TNFRSF8: variants seen among roughly 807,000 people sequenced by gnomAD.
The protein encoded by TNFRSF8 is tumor necrosis factor receptor superfamily member 8.
A neutral mutation model predicts 70.8 loss-of-function variants in TNFRSF8; 26 were observed. The observed-to-expected ratio is 0.37, with a 90% confidence interval of 0.27 to 0.51. TNFRSF8 has a LOEUF of 0.51. Ranked by LOEUF, TNFRSF8 falls within the 20% of genes least tolerant of loss-of-function variation. The probability of loss-of-function intolerance (pLI) is 0.94; values close to 1 mark genes in which losing one functional copy is unlikely to be tolerated. For synonymous variants in TNFRSF8, 356 were observed against 339.2 expected (o/e 1.05, Z -0.54); for missense variants, 720 against 807.9 (o/e 0.89, Z 1.32).
In TNFRSF8 at chr1:12,108,074, A is replaced by ATTTT. The variant is rs199941905; in HGVS notation, c.422-1488_422-1485dup. Among the ~76,000 whole-genome samples, 24 of 146,192 alleles carry ATTTT rather than the reference A, an allele frequency of 1.6e-4. No individual in the cohort carries two copies. Among genetic ancestry groups the ATTTT allele is most frequent in the African/African-American group, 6.0e-4 (24 of 39,764 alleles). On this transcript the variant is annotated intron_variant, in intron 4 of 14. Coordinates refer to ENST00000263932, the MANE Select transcript of TNFRSF8 (RefSeq NM_001243.5). This position sits in a 1 kb window ranked among gnomAD's most constrained non-coding sequence, Gnocchi z 4.0. ...CGAAGTCCCACACATACAGGCCACCATTTTTTTATTTTTTTTTTTTTTGTG... is the reference window on the plus strand; with the variant it reads ...CGAAGTCCCACACATACAGGCCACCATTTTTTTTTTTATTTTTTTTTTTTTTGTG...
chr1:12,118,015 G>A (rs553335342), intron 8 of TNFRSF8, among the ~76,000 whole-genome samples: 21 of 152,242 alleles, frequency 1.4e-4, no homozygotes, highest in African/African-American at 2.2e-4. Flanking sequence ...ATGTTGCTGC[G>A]AAAGACTTGA....
chr1:12,137,355 C>T (rs966145410), intron 13 of TNFRSF8, among the ~76,000 whole-genome samples: 1 of 151,946 alleles, frequency 6.6e-6, no homozygotes, highest in Non-Finnish European at 1.5e-5. Flanking sequence ...ATTACTTTTG[C>T]ACCAATCTAA....
chr1:12,103,221 G>A (rs1641454352), intron 3 of TNFRSF8, among the ~76,000 whole-genome samples: 2 of 151,972 alleles, frequency 1.3e-5, no homozygotes, highest in African/African-American at 4.8e-5. Context: ...AAAATTAGTT[G>A]GGCGTGGTGG....
Position 12,104,507 on chromosome 1 carries a change from G to C in TNFRSF8, c.397G>C (p.Ala133Pro). The C allele has an allele frequency of 6.2e-7, 1 of 1,614,174 alleles. No homozygotes were observed. Among genetic ancestry groups the C allele is most frequent in the South Asian group, 1.1e-5 (1 of 91,070 alleles). ...ARCFFHSVCP[A>P]GMIVKFPGTA... ...CTGCTTCTTCCATTCTGTCTGTCCGGCAGGGATGATTGTCAAGTTCCCAGG... is the reference window on the plus strand; with the variant it reads ...CTGCTTCTTCCATTCTGTCTGTCCGCCAGGGATGATTGTCAAGTTCCCAGG... The change falls in exon 4 of 15, where the codon GCA becomes CCA. Residue 133 changes from alanine to proline, a missense_variant. Transcript: ENST00000263932.
At chr1:12,104,001 G>A (rs1258909101) in intron 3 of TNFRSF8, among the ~76,000 whole-genome samples, 41 of 152,086 alleles carry the variant, frequency 2.7e-4, no homozygotes, top group Non-Finnish European at 1.6e-4. Context: ...CCCTAAATGT[G>A]TCCTGAGCTC....
rs1640683697 is a variant in TNFRSF8, at chr1:12,063,528, G to A, written c.-71G>A. Reference sequence around the variant, plus strand: ...GCTGAGAACCGCCGGGACCGCACGTGGGCGCCGCGCGCTTCCCCCGCTTCC... The same window carrying A: ...GCTGAGAACCGCCGGGACCGCACGTAGGCGCCGCGCGCTTCCCCCGCTTCC... On this transcript the variant is annotated 5_prime_UTR_variant, in exon 1 of 15. Transcript: ENST00000263932. This position sits in a 1 kb window ranked among gnomAD's most constrained non-coding sequence, Gnocchi z 7.2. The A allele has an allele frequency of 8.7e-6, 11 of 1,268,316 alleles. No individual in the cohort carries two copies. The East Asian group carries it at 9.5e-5, about 11-fold the overall frequency. The allele number at this position is 1,268,316 out of a possible 1,614,324, so 78.6% of individuals were successfully genotyped here.
At chr1:12,121,783 C>T (rs1327654021) in intron 8 of TNFRSF8, among the ~76,000 whole-genome samples, 1 of 152,234 alleles carries the variant, frequency 6.6e-6, no homozygotes, top group Non-Finnish European at 1.5e-5. Flanking sequence ...CACAAGAATA[C>T]TCACAGCTGC....
Position 12,143,742 on chromosome 1 carries a change from G to A in TNFRSF8, c.*1211G>A, listed in dbSNP as rs1001024141. ...GGCCTTCAGACGTGTATGCAAATGA[G>A]TGATGGATAAGGATGAGTCTTGGAG... On this transcript the variant is annotated 3_prime_UTR_variant, in exon 15 of 15. Transcript: ENST00000263932. This position sits in a 1 kb window ranked among gnomAD's most constrained non-coding sequence, Gnocchi z 4.1. The A allele has an allele frequency of 5.9e-5, 9 of 152,242 alleles. No homozygotes were observed. Among genetic ancestry groups the A allele is most frequent in the African/African-American group, 1.4e-4 (6 of 41,444 alleles). The allele number at this position is 152,242 out of a possible 1,614,324, so 9.4% of individuals were successfully genotyped here. A position where few individuals can be genotyped will look rare whatever the true frequency, so the allele number is the denominator to read the frequency against.
intron 12 of TNFRSF8, among the ~76,000 whole-genome samples, chr1:12,130,594 A>G (rs1324076674): frequency 6.6e-6 from 1 of 152,186 alleles, no homozygotes; most frequent in Non-Finnish European, 1.5e-5. Flanking sequence ...CACAGGCCAG[A>G]GAGGGGAGGG....
At chr1:12,133,129 C>T (rs1400442756) in intron 12 of TNFRSF8, among the ~76,000 whole-genome samples, 5 of 151,924 alleles carry the variant, frequency 3.3e-5, no homozygotes, top group East Asian at 1.9e-4. Context: ...TGTTTTCTTT[C>T]GGGTTATTTC....
chr1:12,079,472 C>T (rs558815785), intron 1 of TNFRSF8, among the ~76,000 whole-genome samples: 10 of 152,328 alleles, frequency 6.6e-5, no homozygotes, highest in African/African-American at 2.4e-4. Flanking sequence ...TCCCCTCTCT[C>T]TCTTCCCCAG....
intron 7 of TNFRSF8, among the ~76,000 whole-genome samples, chr1:12,114,919 G>C (rs1466029171): frequency 3.3e-5 from 5 of 151,916 alleles, no homozygotes; most frequent in Non-Finnish European, 7.4e-5. Flanking sequence ...ATGTTGGTCA[G>C]GCTGGACTTG....
Position 12,142,696 on chromosome 1 carries a change from C to T in TNFRSF8, c.*165C>T. 1.1e-6 allele frequency: 1 copy of T among 924,762 alleles called. No individual in the cohort carries two copies. Among genetic ancestry groups the T allele is most frequent in the Non-Finnish European group, 1.6e-6 (1 of 634,634 alleles). The allele number at this position is 924,762 out of a possible 1,614,324, so 57.3% of individuals were successfully genotyped here. A position where few individuals can be genotyped will look rare whatever the true frequency, so the allele number is the denominator to read the frequency against. On this transcript the variant is annotated 3_prime_UTR_variant, in exon 15 of 15. Transcript: ENST00000263932. This position sits in a 1 kb window ranked among gnomAD's most constrained non-coding sequence, Gnocchi z 5.0. ...CACTGCAGGGGTCTGGTGGTCTCTG[C>T]TTGCATCCCCAACTTAGCTGTCCCC...
intron 8 of TNFRSF8, among the ~76,000 whole-genome samples, chr1:12,120,725 A>G (rs777314509): frequency 6.6e-5 from 10 of 152,200 alleles, no homozygotes; most frequent in African/African-American, 1.2e-4. Context: ...CCAGTAGGCC[A>G]TTACCAGAGA....
chr1:12,131,019 C>T (rs539399299), intron 12 of TNFRSF8, among the ~76,000 whole-genome samples: 4 of 152,298 alleles, frequency 2.6e-5, no homozygotes, highest in East Asian at 1.9e-4. Flanking sequence ...TTGGGAGAGT[C>T]GGTATTGAAC....
Position 12,100,814 on chromosome 1 carries a change from G to A in TNFRSF8, c.269-3565G>A, listed in dbSNP as rs771565541. 7.9e-5 allele frequency among the ~76,000 whole-genome samples: 12 copies of A among 152,218 alleles called. No individual in the cohort carries two copies. In the South Asian group the frequency reaches 2.1e-3, roughly 26 times the overall value. ...TCTACTAAAAATATAAAAATTAGCC[G>A]GGCACGTTGGCATGCGCCTGTAATC... On this transcript the variant is annotated intron_variant, in intron 3 of 14. Coordinates refer to ENST00000263932, the MANE Select transcript of TNFRSF8 (RefSeq NM_001243.5).
chr1:12,137,548 G>GT lies in TNFRSF8; in HGVS notation c.1336-672dup, dbSNP rs553381567. On this transcript the variant is annotated intron_variant, in intron 13 of 14. Transcript: ENST00000263932. ...TTCCTCATGACATAGCTGTTTTTTT[G>GT]TTTTTTTTTGTTTTTTTTTTGTTTT... Among the ~76,000 whole-genome samples, 446 of 131,488 alleles carry GT rather than the reference G, an allele frequency of 3.4e-3. 5 individuals are homozygous for GT. Among genetic ancestry groups the GT allele is most frequent in the Admixed American group, 0.01 (141 of 13,698 alleles). 86.3% of individuals were successfully genotyped at this position (131,488 alleles called of 152,430 possible). A position where few individuals can be genotyped will look rare whatever the true frequency, so the allele number is the denominator to read the frequency against.
At position 12,138,777 on chromosome 1, in the gene TNFRSF8, G is replaced by A. The variant is rs11569941; in HGVS notation, c.1543+341G>A. ...ACCTGCCACTTGTCTGGCGCATTCCGGGCACTGTGTAGGTGCCATCTCTTC... is the reference window on the plus strand; with the variant it reads ...ACCTGCCACTTGTCTGGCGCATTCCAGGCACTGTGTAGGTGCCATCTCTTC... On this transcript the variant is annotated intron_variant, in intron 14 of 14. Coordinates refer to ENST00000263932, the MANE Select transcript of TNFRSF8 (RefSeq NM_001243.5). The surrounding 1 kb of genome is among the most constrained non-coding windows in gnomAD (Gnocchi z 5.7). Among the ~76,000 whole-genome samples, 660 of 152,284 alleles carry A rather than the reference G, an allele frequency of 4.3e-3. 4 individuals are homozygous for A. The highest frequency in any genetic ancestry group is 7.5e-3 in the Non-Finnish European group (511 of 68,010).
Position 12,109,996 on chromosome 1 carries a change from C to A in TNFRSF8, c.513-45C>A. ...TACTCGTGAGCACAGGCCTCCCTTG[C>A]CCCATTGGCAGAATTATCAGTCCCA... On this transcript the variant is annotated intron_variant, in intron 5 of 14. Coordinates refer to ENST00000263932, the MANE Select transcript of TNFRSF8 (RefSeq NM_001243.5). This position sits in a 1 kb window ranked among gnomAD's most constrained non-coding sequence, Gnocchi z 4.4. 1 of 1,598,332 alleles carries A rather than the reference C, an allele frequency of 6.3e-7. No individual in the cohort carries two copies. The highest frequency in any genetic ancestry group is 8.5e-7 in the Non-Finnish European group (1 of 1,171,804).
Sources: allele counts gnomAD v4.1 joint callset (sites outside exome capture counted in the v4.1 genomes callset), GRCh38; gene constraint gnomAD v4.1.1; non-coding constraint Gnocchi (gnomAD v3.1); transcripts MANE v1.5; gene names NCBI Gene and HGNC (gene_info 2026-07-23, HGNC 2026-07-21).